Variants in PRDM10 observed in about 807,000 individuals in gnomAD.
PRDM10 encodes the protein PR domain zinc finger protein 10.
A neutral mutation model predicts 133.1 loss-of-function variants in PRDM10; 65 were observed. That is an observed-to-expected ratio of 0.49 (90% CI 0.40 to 0.60). PRDM10 has a LOEUF of 0.60. Ranked by LOEUF, PRDM10 falls within the 20% of genes least tolerant of loss-of-function variation. PRDM10 has a pLI of 0.00. For missense variants in PRDM10, 1,137 were observed against 1,507.1 expected, an observed-to-expected ratio of 0.75 and a Z score of 4.07; for synonymous variants, 582 against 580.4, an observed-to-expected ratio of 1.00 and a Z score of -0.04.
chr11:129,911,044 G>A (rs1467262264), intron 18 of PRDM10, among the ~76,000 whole-genome samples: 2 of 152,152 alleles, frequency 1.3e-5, no homozygotes, highest in Non-Finnish European at 2.9e-5. Flanking sequence ...CCAAAGTGCT[G>A]GGATTACAGG....
chr11:129,906,145 A>C (rs930942135), intron 19 of PRDM10, among the ~76,000 whole-genome samples: 1 of 152,172 alleles, frequency 6.6e-6, no homozygotes, highest in African/African-American at 2.4e-5. Context: ...TTATTTCACC[A>C]CCAGTGTTAT....
chr11:129,959,129 G>A (rs1268001523), intron 2 of PRDM10, among the ~76,000 whole-genome samples: 1 of 152,174 alleles, frequency 6.6e-6, no homozygotes, highest in Non-Finnish European at 1.5e-5. Flanking sequence ...GTTTTCTCTA[G>A]TGAAGGATAG....
rs1950637149 is a variant in PRDM10, at chr11:129,925,127, A to C, written c.1633T>G (p.Leu545Val). 2 of 1,614,210 alleles carry C rather than the reference A, an allele frequency of 1.2e-6. No homozygotes were observed. Among genetic ancestry groups the C allele is most frequent in the Admixed American group, 3.3e-5 (2 of 60,026 alleles). The part of the protein sequence containing the change: ...FREKDKLDQH[L>V]RFHGREGNCP... ...TTCCCCTCCCGCCCATGGAAGCGTA[A>C]GTGCTGGTCCAGTTTGTCCTTTTCC... is the stretch of plus-strand genomic sequence containing the variant. The change falls in exon 12 of 21, where the codon TTA becomes GTA. Residue 545 changes from leucine to valine, a missense_variant. Physicochemically the swap from Leu to Val is conservative, Grantham distance 32. Transcript: ENST00000360871.
intron 11 of PRDM10, 24 bp from the exon 12 acceptor site, chr11:129,925,253 T>C: frequency 6.4e-7 from 1 of 1,566,118 alleles, no homozygotes; most frequent in Non-Finnish European, 8.7e-7. Context: ...ACAAATGTGA[T>C]CATTTAGTGA....
chr11:129,921,124 G>C (rs1388911242), intron 13 of PRDM10, among the ~76,000 whole-genome samples: 24 of 152,122 alleles, frequency 1.6e-4, no homozygotes, highest in Admixed American at 1.4e-3. Flanking sequence ...ATTCTAGTGT[G>C]AGCTCCCTGA....
Position 129,947,036 on chromosome 11 carries a change from G to T in PRDM10, c.520+109C>A. The T allele has an allele frequency of 1.4e-6, 2 of 1,437,946 alleles. No individual in the cohort carries two copies. The highest frequency in any genetic ancestry group is 1.9e-6 in the Non-Finnish European group (2 of 1,056,138). 89.1% of individuals were successfully genotyped at this position (1,437,946 alleles called of 1,614,324 possible). The stretch of plus-strand genomic sequence containing the variant: ...AGCAGAGAATGTAGCACAGTTGGCT[G>T]CACACGGAAGGACCTGACGCACGGG... On this transcript the variant is annotated intron_variant, in intron 5 of 20. Coordinates refer to ENST00000360871, the MANE Select transcript of PRDM10 (RefSeq NM_199437.2). This position sits in a 1 kb window ranked among gnomAD's most constrained non-coding sequence, Gnocchi z 4.6.
At chr11:129,965,933 A>G (rs1486111369) in intron 1 of PRDM10, among the ~76,000 whole-genome samples, 1 of 152,070 alleles carries the variant, frequency 6.6e-6, no homozygotes, top group Non-Finnish European at 1.5e-5. Context: ...TCTGATCCTC[A>G]GTATCCTCAC....
intron 20 of PRDM10, among the ~76,000 whole-genome samples, chr11:129,903,735 TGTTCTGAGTTCACCCCCACCAGACAAC>T (rs1949920165): frequency 6.6e-6 from 1 of 152,154 alleles, no homozygotes; most frequent in Non-Finnish European, 1.5e-5. Context: ...TAGGGCCAGA[TGTTCTGAGTTCACCCCCACCAGACAAC>T]GTTCTGATTA....
intron 1 of PRDM10, among the ~76,000 whole-genome samples, chr11:129,999,871 G>C (rs553632636): frequency 6.6e-6 from 1 of 152,180 alleles, no homozygotes; most frequent in Admixed American, 6.5e-5. Context: ...CATCAGCAAA[G>C]TCTTTAGACA....
chr11:129,936,032 A>G (rs1026845404), intron 8 of PRDM10, among the ~76,000 whole-genome samples: 1 of 152,228 alleles, frequency 6.6e-6, no homozygotes, highest in African/African-American at 2.4e-5. Context: ...GCCTGACCTC[A>G]TGGAAGGAGG....
At chr11:129,985,791 AAAAAAAAAAAAAAAAAAAATATATAT>A (rs1427732171) in intron 1 of PRDM10, among the ~76,000 whole-genome samples, 43 of 109,168 alleles carry the variant, frequency 3.9e-4, no homozygotes, top group African/African-American at 1.6e-3. Flanking sequence ...AAAAAAAAAA[AAAAAAAAAAAAAAAAAAAATATATAT>A]ATATATATAT....
intron 17 of PRDM10, 84 bp downstream of exon 17, chr11:129,914,620 T>G (rs775543536): frequency 5.1e-6 from 8 of 1,564,724 alleles, no homozygotes; most frequent in Non-Finnish European, 7.0e-6. Context: ...GGACATTACA[T>G]AGATCCCAGC....
chr11:129,976,070 G>A (rs956506620), intron 1 of PRDM10, among the ~76,000 whole-genome samples: 4 of 152,132 alleles, frequency 2.6e-5, no homozygotes, highest in Non-Finnish European at 4.4e-5. Context: ...GACATGGAAG[G>A]TCCTGTCCAG....
chr11:129,903,371 A>AG (rs1949905309), intron 20 of PRDM10, among the ~76,000 whole-genome samples: 1 of 100,946 alleles, frequency 9.9e-6, no homozygotes, highest in Non-Finnish European at 1.9e-5. Flanking sequence ...TTGTCAAGTA[A>AG]GGTCATTTAA....
intron 8 of PRDM10, among the ~76,000 whole-genome samples, chr11:129,936,237 T>C (rs989996588): frequency 2.0e-5 from 3 of 152,158 alleles, no homozygotes; most frequent in African/African-American, 7.2e-5. Flanking sequence ...GACCTCACCA[T>C]ATGCATCTCT....
At chr11:129,942,287 T>A (rs1951233745) in intron 7 of PRDM10, 139 bp downstream of exon 7, 1 of 720,938 alleles carries the variant, frequency 1.4e-6, no homozygotes, top group South Asian at 1.8e-5. Context: ...AGCTACTCAA[T>A]AAGTATGTGA....
At chr11:129,960,414 C>T (rs1021027649) in intron 2 of PRDM10, among the ~76,000 whole-genome samples, 1 of 152,096 alleles carries the variant, frequency 6.6e-6, no homozygotes, top group African/African-American at 2.4e-5. Context: ...TCGATGACAG[C>T]AGCATTTGGT....
At position 129,923,643 on chromosome 11, in the gene PRDM10, TGAGAGAGAGAGAGAGAGA is replaced by T. The variant is rs57429782; in HGVS notation, c.1879-258_1879-241del. Among the ~76,000 whole-genome samples the T allele has an allele frequency of 1.0e-3, 68 of 65,884 alleles. No individual in the cohort carries two copies. The highest frequency in any genetic ancestry group is 0.014 in the Middle Eastern group (1 of 74). 43.2% of individuals were successfully genotyped at this position (65,884 alleles called of 152,430 possible). A position where few individuals can be genotyped will look rare whatever the true frequency, so the allele number is the denominator to read the frequency against. ...CGAACCTCCCCGATGACTTGAAACG[TGAGAGAGAGAGAGAGAGA>T]GAGAGAGAGAGAGAGAGAGAGAGAG... On this transcript the variant is annotated intron_variant, in intron 12 of 20. Coordinates refer to ENST00000360871, the MANE Select transcript of PRDM10 (RefSeq NM_199437.2). The surrounding 1 kb of genome is among the most constrained non-coding windows in gnomAD (Gnocchi z 4.4).
At chr11:129,997,131 T>C (rs1939106801) in intron 1 of PRDM10, among the ~76,000 whole-genome samples, 1 of 152,168 alleles carries the variant, frequency 6.6e-6, no homozygotes, top group Non-Finnish European at 1.5e-5. Flanking sequence ...AACGTGGAAG[T>C]AAAAAAATAT....
Sources: allele counts gnomAD v4.1 joint callset (sites outside exome capture counted in the v4.1 genomes callset), GRCh38; gene constraint gnomAD v4.1.1; non-coding constraint Gnocchi (gnomAD v3.1); transcripts MANE v1.5; gene names NCBI Gene and HGNC (gene_info 2026-07-23, HGNC 2026-07-21).